The following ERBB4 variants were observed in gnomAD, a reference collection of about 807,000 sequenced individuals.
ERBB4 encodes the protein receptor tyrosine-protein kinase erbB-4.
ERBB4 carries 42 observed loss-of-function variants against 158.0 expected under a neutral mutation model. That is an observed-to-expected ratio of 0.27 (90% confidence interval 0.21 to 0.34). The LOEUF (loss-of-function observed/expected upper bound fraction) is 0.34, where lower values mean the gene tolerates loss of function less well. Ranked by LOEUF, ERBB4 falls within the 10% of genes least tolerant of loss-of-function variation. ERBB4 has a pLI of 1.00. For synonymous variants in ERBB4, 583 were observed against 558.7 expected, an observed-to-expected ratio of 1.04 and a Z score of -0.61; for missense variants, 1,333 against 1,624.1, an observed-to-expected ratio of 0.82 and a Z score of 3.08.
At chr2:212,402,732 A>G (rs1560222661) in intron 1 of ERBB4, among the ~76,000 whole-genome samples, 1 of 152,118 alleles carries the variant, frequency 6.6e-6, no homozygotes, top group Non-Finnish European at 1.5e-5. Flanking sequence ...GCATGTGTAT[A>G]AATACAGGGG....
intron 1 of ERBB4, among the ~76,000 whole-genome samples, chr2:212,196,990 C>A (rs990537517): frequency 2.6e-5 from 4 of 152,094 alleles, no homozygotes; most frequent in African/African-American, 9.7e-5. Context: ...TCCCATAGAA[C>A]TGATGTCTAC....
chr2:211,648,903 A>G (rs2070877240), intron 16 of ERBB4, among the ~76,000 whole-genome samples: 1 of 151,810 alleles, frequency 6.6e-6, no homozygotes, highest in Admixed American at 6.6e-5. Flanking sequence ...CATTAATGCA[A>G]TTAGGAACAG....
chr2:212,079,337 T>C (rs1214440947), intron 2 of ERBB4, among the ~76,000 whole-genome samples: 4 of 152,034 alleles, frequency 2.6e-5, no homozygotes, highest in Non-Finnish European at 5.9e-5. Flanking sequence ...GCTTCATTAA[T>C]ACAATTAGCA....
chr2:211,926,502 T>A (rs1184457366), intron 3 of ERBB4, among the ~76,000 whole-genome samples: 1 of 152,142 alleles, frequency 6.6e-6, no homozygotes, highest in Non-Finnish European at 1.5e-5. Context: ...ACACATTTTA[T>A]CTCAGTAACT....
intron 1 of ERBB4, among the ~76,000 whole-genome samples, chr2:212,184,469 T>C (rs982240085): frequency 7.9e-5 from 12 of 152,076 alleles, no homozygotes; most frequent in East Asian, 5.8e-4. Context: ...ATTCTATTAA[T>C]AGTAGGCAGG....
chr2:211,722,996 G>T (rs945776250), intron 6 of ERBB4, among the ~76,000 whole-genome samples: 1 of 152,198 alleles, frequency 6.6e-6, no homozygotes, highest in Admixed American at 6.5e-5. Flanking sequence ...TTGTGATGGT[G>T]ATTTATATCG....
At chr2:211,874,851 A>G (rs2078450239) in intron 3 of ERBB4, among the ~76,000 whole-genome samples, 1 of 152,124 alleles carries the variant, frequency 6.6e-6, no homozygotes, top group South Asian at 2.1e-4. Flanking sequence ...ATAAAAATAT[A>G]AATCACATTT....
intron 3 of ERBB4, among the ~76,000 whole-genome samples, chr2:211,934,846 G>A (rs757092509): frequency 6.9e-6 from 1 of 145,016 alleles, no homozygotes; most frequent in African/African-American, 2.5e-5. Context: ...TAATTTAATC[G>A]AATTATACAA....
chr2:212,168,099 T>C (rs2081405135), intron 1 of ERBB4, among the ~76,000 whole-genome samples: 1 of 152,120 alleles, frequency 6.6e-6, no homozygotes, highest in South Asian at 2.1e-4. Flanking sequence ...CTCATTTCCC[T>C]TTTAAATCTC....
intron 2 of ERBB4, among the ~76,000 whole-genome samples, chr2:212,059,972 C>T (rs548558353): frequency 7.2e-5 from 11 of 152,220 alleles, no homozygotes; most frequent in Middle Eastern, 3.4e-3. Flanking sequence ...AGCTTCTGCA[C>T]AGCAAAAGAA....
chr2:212,060,253 CAAT>C (rs2077718113), intron 2 of ERBB4, among the ~76,000 whole-genome samples: 1 of 152,030 alleles, frequency 6.6e-6, no homozygotes, highest in African/African-American at 2.4e-5. Context: ...ATCAAAACCA[CAAT>C]GAGATACCAT....
At chr2:212,334,291 C>A (rs1174257172) in intron 1 of ERBB4, among the ~76,000 whole-genome samples, 2 of 151,950 alleles carry the variant, frequency 1.3e-5, no homozygotes, top group African/African-American at 4.8e-5. Flanking sequence ...AATTTACTTA[C>A]AGGGAATATT....
intron 2 of ERBB4, among the ~76,000 whole-genome samples, chr2:212,059,861 C>G (rs146547415): frequency 9.2e-5 from 14 of 152,254 alleles, no homozygotes; most frequent in African/African-American, 3.1e-4. Context: ...CTAGACAATA[C>G]CACTCAGGAC....
intron 19 of ERBB4, among the ~76,000 whole-genome samples, chr2:211,615,962 C>T (rs1332839902): frequency 6.6e-6 from 1 of 152,090 alleles, no homozygotes; most frequent in Non-Finnish European, 1.5e-5. Context: ...TACAAACAAG[C>T]ATACAAATAC....
At chr2:212,472,255 T>TA (rs34219489) in intron 1 of ERBB4, among the ~76,000 whole-genome samples, 58,234 of 151,244 alleles carry the variant, frequency 0.39, 11,491 homozygotes, top group Non-Finnish European at 0.41. Context: ...GAGAGGACGC[T>TA]AAAATGCACT....
chr2:211,705,445 A>G, intron 9 of ERBB4, 54 bp from the exon 10 acceptor site: 2 of 1,100,952 alleles, frequency 1.8e-6, no homozygotes, highest in Non-Finnish European at 1.4e-6. Flanking sequence ...AAGGATTGAA[A>G]ATATGAGAAA....
intron 1 of ERBB4, among the ~76,000 whole-genome samples, chr2:212,340,916 G>A (rs1485614759): frequency 6.6e-6 from 1 of 152,064 alleles, no homozygotes; most frequent in Non-Finnish European, 1.5e-5. Context: ...TCTCAGTTAA[G>A]ATTTTTAGAT....
At chr2:212,505,753 C>G (rs1367943791) in intron 1 of ERBB4, among the ~76,000 whole-genome samples, 3 of 148,904 alleles carry the variant, frequency 2.0e-5, no homozygotes, top group African/African-American at 7.3e-5. Flanking sequence ...TTCATACAAG[C>G]ATGCCAATGC....
intron 3 of ERBB4, among the ~76,000 whole-genome samples, chr2:211,861,324 C>A (rs1251338988): frequency 9.0e-6 from 1 of 110,556 alleles, no homozygotes; most frequent in Non-Finnish European, 1.8e-5. Flanking sequence ...TCAGTCCAGG[C>A]GTGTTTTTTT....
Sources: gnomAD v4.1 joint callset for allele counts (sites outside exome capture counted in the v4.1 genomes callset) on GRCh38, gnomAD v4.1.1 for gene constraint, MANE v1.5 for transcripts, NCBI Gene and HGNC (gene_info 2026-07-23, HGNC 2026-07-21) for gene names.